Variants in PARD3B observed in about 807,000 individuals in gnomAD.
The protein encoded by PARD3B is par-3 family cell polarity regulator beta.
PARD3B carries 103 observed loss-of-function variants against 130.2 expected under a neutral mutation model. The observed-to-expected ratio is 0.79, with a 90% confidence interval of 0.67 to 0.93. The LOEUF (loss-of-function observed/expected upper bound fraction) is 0.93. Among genes scored for constraint, PARD3B ranks in the 40% least tolerant of loss-of-function variants. PARD3B has a pLI of 0.00. For missense variants in PARD3B, 1,609 were observed against 1,499.2 expected, an observed-to-expected ratio of 1.07 and a Z score of -1.21; for synonymous variants, 583 against 553.2, an observed-to-expected ratio of 1.05 and a Z score of -0.76.
intron 3 of PARD3B, among the ~76,000 whole-genome samples, chr2:204,981,136 C>T (rs1692632004): frequency 6.6e-6 from 1 of 152,136 alleles, no homozygotes; most frequent in African/African-American, 2.4e-5. Flanking sequence ...AACTAAACCT[C>T]ATACATTGTT....
chr2:204,910,672 C>T (rs2125723469), intron 2 of PARD3B, among the ~76,000 whole-genome samples: 1 of 152,258 alleles, frequency 6.6e-6, no homozygotes, highest in South Asian at 2.1e-4. Context: ...TGGAGTCTCC[C>T]TCTGTAGCCT....
At chr2:204,770,608 A>G (rs2041326491) in intron 2 of PARD3B, among the ~76,000 whole-genome samples, 1 of 152,036 alleles carries the variant, frequency 6.6e-6, no homozygotes, top group African/African-American at 2.4e-5. Flanking sequence ...TGCTAAGATG[A>G]TCAGTCAACA....
chr2:204,578,659 A>C (rs1412170245), intron 1 of PARD3B, among the ~76,000 whole-genome samples: 1 of 151,904 alleles, frequency 6.6e-6, no homozygotes, highest in Non-Finnish European at 1.5e-5. Context: ...ATGATGCAAA[A>C]CCTTAAGAAC....
chr2:204,762,919 C>T (rs949585564), intron 2 of PARD3B, among the ~76,000 whole-genome samples: 4 of 152,072 alleles, frequency 2.6e-5, no homozygotes, highest in African/African-American at 9.7e-5. Flanking sequence ...TGCCACCATG[C>T]CCGGCTAATT....
At chr2:204,636,273 T>C (rs377091445) in intron 1 of PARD3B, among the ~76,000 whole-genome samples, 4 of 152,162 alleles carry the variant, frequency 2.6e-5, no homozygotes, top group African/African-American at 9.7e-5. Context: ...ATATAACTAA[T>C]CTTTCCTTTG....
chr2:204,705,623 A>C (rs1319218002), intron 2 of PARD3B, among the ~76,000 whole-genome samples: 5 of 152,346 alleles, frequency 3.3e-5, no homozygotes, highest in Admixed American at 1.3e-4. Context: ...CTTCTATTTA[A>C]TAGATGTCTG....
chr2:204,758,414 T>G (rs984397517), intron 2 of PARD3B, among the ~76,000 whole-genome samples: 1 of 152,184 alleles, frequency 6.6e-6, no homozygotes, highest in African/African-American at 2.4e-5. Context: ...TTATATTTCT[T>G]ATCAAACCTG....
At chr2:205,554,327 G>A (rs1286035205) in intron 22 of PARD3B, among the ~76,000 whole-genome samples, 1 of 152,144 alleles carries the variant, frequency 6.6e-6, no homozygotes, top group African/African-American at 2.4e-5. Flanking sequence ...TATGTTGACT[G>A]TACCTCTGTG....
At chr2:204,864,544 T>C (rs1215155885) in intron 2 of PARD3B, among the ~76,000 whole-genome samples, 2 of 152,114 alleles carry the variant, frequency 1.3e-5, no homozygotes, top group Admixed American at 6.6e-5. Context: ...CCACGCAAAG[T>C]CCCCCTATTC....
rs79166640 is a variant in PARD3B at position 204,800,007 on chromosome 2, A to G, written c.222+113725A>G. 7.5e-3 allele frequency among the ~76,000 whole-genome samples: 1,138 copies of G among 152,306 alleles called. 12 individuals are homozygous for G. The highest frequency in any genetic ancestry group is 0.026 in the African/African-American group (1,076 of 41,580). On this transcript the variant is annotated intron_variant, in intron 2 of 22. Coordinates refer to ENST00000406610, the MANE Select transcript of PARD3B (RefSeq NM_001302769.2). The stretch of plus-strand genomic sequence containing the variant: ...ATCCACAAGCATCAAGGCCATCTAC[A>G]AAAACGTGATCTCACCAAACAAATA...
intron 18 of PARD3B, among the ~76,000 whole-genome samples, chr2:205,383,528 A>T (rs1457197219): frequency 6.6e-6 from 1 of 152,028 alleles, no homozygotes; most frequent in Non-Finnish European, 1.5e-5. Context: ...TGGTTATGTT[A>T]GTTATTTGTA....
At chr2:204,928,329 C>A (rs1489522794) in intron 2 of PARD3B, among the ~76,000 whole-genome samples, 1 of 152,080 alleles carries the variant, frequency 6.6e-6, no homozygotes, top group Non-Finnish European at 1.5e-5. Flanking sequence ...AATATCAATT[C>A]TATCACTTCT....
At position 205,301,764 on chromosome 2, in the gene PARD3B, T is replaced by C. The variant is rs763217532; in HGVS notation, c.2630+63T>C. On this transcript the variant is annotated intron_variant, in intron 18 of 22. Transcript: ENST00000406610. The surrounding 1 kb of genome is among the most constrained non-coding windows in gnomAD (Gnocchi z 5.2). ...TTGTCTCTCCTGGTAAAATCACTCC[T>C]TTGTCTGTACTCAGAAAAAAGCGCA... The C allele has an allele frequency of 6.2e-7, 1 of 1,613,924 alleles. No homozygotes were observed. Among genetic ancestry groups the C allele is most frequent in the Non-Finnish European group, 8.5e-7 (1 of 1,179,790 alleles).
chr2:205,008,113 T>C (rs1410590260), intron 3 of PARD3B, among the ~76,000 whole-genome samples: 2 of 151,922 alleles, frequency 1.3e-5, no homozygotes, highest in Non-Finnish European at 2.9e-5. Context: ...TTTAAACCAT[T>C]GCTGATCCTA....
At position 204,677,710 on chromosome 2, in the gene PARD3B, C is replaced by G. The variant is rs867507533; in HGVS notation, c.121-8471C>G. On this transcript the variant is annotated intron_variant, in intron 1 of 22. Coordinates refer to ENST00000406610, the MANE Select transcript of PARD3B (RefSeq NM_001302769.2). This position sits in a 1 kb window ranked among gnomAD's most constrained non-coding sequence, Gnocchi z 4.1. ...TGGTAATAATAATATTTTTAGCAGA[C>G]TCATCACTGTTGACTTGTTAAAGCC... Among the ~76,000 whole-genome samples, 1 of 152,178 alleles carries G rather than the reference C, an allele frequency of 6.6e-6. No homozygotes were observed. Among genetic ancestry groups the G allele is most frequent in the South Asian group, 2.1e-4 (1 of 4,826 alleles).
chr2:204,997,600 C>A (rs942069558), intron 3 of PARD3B, among the ~76,000 whole-genome samples: 1 of 151,274 alleles, frequency 6.6e-6, no homozygotes, highest in Non-Finnish European at 1.5e-5. Flanking sequence ...TTTAGACTTT[C>A]GTGGACACTA....
intron 20 of PARD3B, among the ~76,000 whole-genome samples, chr2:205,472,031 G>A (rs1013217442): frequency 2.6e-5 from 4 of 152,126 alleles, no homozygotes; most frequent in Non-Finnish European, 4.4e-5. Flanking sequence ...GTGTTTGAGG[G>A]CTCTTTTGTT....
rs117080369 is a variant in PARD3B at position 205,193,824 on chromosome 2, C to G, written c.2140+504C>G. Among the ~76,000 whole-genome samples the G allele has an allele frequency of 6.2e-4, 95 of 152,276 alleles. No individual in the cohort carries two copies. The East Asian group carries it at 0.018, about 29-fold the overall frequency. ...GATTCAGCTTTTTAAATGCCCATCC[C>G]CAAATCCTGTGACACTGGAGGGGAA... On this transcript the variant is annotated intron_variant, in intron 15 of 22. Coordinates refer to ENST00000406610, the MANE Select transcript of PARD3B (RefSeq NM_001302769.2).
chr2:205,018,749 A>AAAAAAAAAAAAAAAAAAAG (rs1559359658), intron 3 of PARD3B, among the ~76,000 whole-genome samples: 1 of 120,024 alleles, frequency 8.3e-6, no homozygotes, highest in Admixed American at 8.5e-5. Context: ...AAAAAAAAAA[A>AAAAAAAAAAAAAAAAAAAG]AGCACGCTGA....
Sources: gnomAD v4.1 joint callset for allele counts (sites outside exome capture counted in the v4.1 genomes callset) on GRCh38, gnomAD v4.1.1 for gene constraint, Gnocchi (gnomAD v3.1) non-coding constraint, MANE v1.5 for transcripts, NCBI Gene and HGNC (gene_info 2026-07-23, HGNC 2026-07-21) for gene names.